The following BRAF variants were observed in gnomAD, a reference collection of about 807,000 sequenced individuals.
The protein encoded by BRAF is B-Raf proto-oncogene, serine/threonine kinase.
A neutral mutation model predicts 104.6 loss-of-function variants in BRAF; 16 were observed. The observed-to-expected ratio is 0.15, with a 90% CI of 0.10 to 0.23. BRAF has a LOEUF of 0.23. BRAF is among the 10% of genes least tolerant of loss of function. The pLI is 1.00. For missense variants in BRAF, 541 were observed against 937.3 expected (o/e 0.58, Z 5.52); for synonymous variants, 310 against 341.6 (o/e 0.91, Z 1.02).
intron 2 of BRAF, among the ~76,000 whole-genome samples, chr7:140,843,559 T>C (rs1478193716): frequency 6.6e-6 from 1 of 152,356 alleles, no homozygotes; most frequent in Middle Eastern, 3.4e-3. Context: ...ATTTTTCTCA[T>C]GTTTCCTCTA....
intron 2 of BRAF, chr7:140,836,243 G>A (rs1479434349): frequency 1.3e-5 from 2 of 152,130 alleles, no homozygotes; most frequent in Admixed American, 6.6e-5. Context: ...AGCTTTAGCA[G>A]CATCCCTGTT....
intron 19 of BRAF, among the ~76,000 whole-genome samples, chr7:140,729,216 C>G (rs1795793439): frequency 6.6e-6 from 1 of 152,016 alleles, no homozygotes; most frequent in Admixed American, 6.6e-5. Flanking sequence ...GCCTGAGTAA[C>G]GAAACCCTGT....
At chr7:140,834,290 C>CGTAA in intron 3 of BRAF, 1 of 494,384 alleles carries the variant, frequency 2.0e-6, no homozygotes, top group East Asian at 3.4e-5. Context: ...TGAGTCTTAC[C>CGTAA]TGACACACAT....
At position 140,724,938 on chromosome 7, in the gene BRAF, A is replaced by G. The variant is rs1466094164; in HGVS notation, c.*1556T>C. 1.9e-6 allele frequency: 2 copies of G among 1,041,464 alleles called. No homozygotes were observed. Among genetic ancestry groups the G allele is most frequent in the East Asian group, 5.8e-5 (1 of 17,306 alleles). The allele number at this position is 1,041,464 out of a possible 1,614,324, so 64.5% of individuals were successfully genotyped here. ...GGCCAAAGGAAGCTATAACTAGGTT[A>G]TATTTTCCATTTGTGCAAAGATAAG... On this transcript the variant is annotated 3_prime_UTR_variant, in exon 20 of 20. Coordinates refer to ENST00000644969, the MANE Select transcript of BRAF (RefSeq NM_001374258.1).
intron 1 of BRAF, among the ~76,000 whole-genome samples, chr7:140,914,849 C>T (rs1228627408): frequency 6.6e-6 from 1 of 151,182 alleles, no homozygotes; most frequent in Admixed American, 6.6e-5. Context: ...ACCATCCTAG[C>T]TAACATGGTG....
At chr7:140,816,056 G>A (rs1804847895) in intron 3 of BRAF, among the ~76,000 whole-genome samples, 1 of 152,104 alleles carries the variant, frequency 6.6e-6, no homozygotes, top group Admixed American at 6.6e-5. Flanking sequence ...TTCACTGTTG[G>A]CAAAGAATAC....
chr7:140,743,286 C>T (rs1408046416), intron 17 of BRAF, among the ~76,000 whole-genome samples: 34 of 151,414 alleles, frequency 2.2e-4, no homozygotes, highest in Non-Finnish European at 3.4e-4. Flanking sequence ...ATGTTTATAG[C>T]GGCACTATTC....
chr7:140,813,845 ATACATGCGTG>A (rs915106277), intron 3 of BRAF, among the ~76,000 whole-genome samples: 27 of 152,234 alleles, frequency 1.8e-4, no homozygotes, highest in African/African-American at 6.5e-4. Context: ...ATGAAAATCC[ATACATGCGTG>A]TACACACATG....
chr7:140,771,959 A>G (rs984024244), intron 14 of BRAF, among the ~76,000 whole-genome samples: 3 of 152,170 alleles, frequency 2.0e-5, no homozygotes, highest in African/African-American at 7.2e-5. Flanking sequence ...GCTTCTGGAG[A>G]TAATTCCAAA....
intron 3 of BRAF, 23 bp from the exon 4 acceptor site, chr7:140,809,018 A>T: frequency 6.4e-7 from 1 of 1,572,586 alleles, no homozygotes. Flanking sequence ...AAATATATTG[A>T]TAAGAGGTAA....
In BRAF at chr7:140,834,794, T is replaced by G. The variant is rs2129062208; in HGVS notation, c.319A>C (p.Thr107Pro). The change falls in exon 3 of 20, where the codon ACT becomes CCT. Residue 107 changes from threonine (T) to proline (P), a missense_variant. Around this residue, in one of 10 missense-constraint regions of BRAF, gnomAD observed 86 missense variants for 133.9 expected, o/e 0.64. Coordinates refer to ENST00000644969, the MANE Select transcript of BRAF (RefSeq NM_001374258.1). Reference sequence around the variant, plus strand: ...GCAGAGCTAGAAACAGAAAAATCAGTTCCGTTCCCCAGAGATTCCAATAAC... The same window carrying G: ...GCAGAGCTAGAAACAGAAAAATCAGGTCCGTTCCCCAGAGATTCCAATAAC... ...QQLLESLGNG[T>P]DFSVSSSASM... is the part of the protein sequence containing the mutation. The G allele has an allele frequency of 6.2e-7, 1 of 1,614,176 alleles. No homozygotes were observed. Among genetic ancestry groups the G allele is most frequent in the Non-Finnish European group, 8.5e-7 (1 of 1,179,998 alleles).
intron 6 of BRAF, chr7:140,801,094 A>C: frequency 3.9e-6 from 1 of 258,926 alleles, no homozygotes. Context: ...GTACAAAATC[A>C]TAATGCTTAA....
intron 1 of BRAF, among the ~76,000 whole-genome samples, chr7:140,890,849 G>A (rs1814140017): frequency 6.6e-6 from 1 of 152,116 alleles, no homozygotes; most frequent in African/African-American, 2.4e-5. Context: ...TCTATTATGA[G>A]AGTAAAATGA....
chr7:140,924,741 G>C lies in BRAF; in HGVS notation c.-38C>G. 1.4e-6 allele frequency: 1 copy of C among 727,048 alleles called. No homozygotes were observed. Among genetic ancestry groups the C allele is most frequent in the South Asian group, 1.6e-5 (1 of 62,820 alleles). 45.0% of individuals were successfully genotyped at this position (727,048 alleles called of 1,614,324 possible). A position where few individuals can be genotyped will look rare whatever the true frequency, so the allele number is the denominator to read the frequency against. On this transcript the variant is annotated 5_prime_UTR_variant, in exon 1 of 20. Coordinates refer to ENST00000644969, the MANE Select transcript of BRAF (RefSeq NM_001374258.1). The surrounding 1 kb of genome is among the most constrained non-coding windows in gnomAD (Gnocchi z 4.2). Reference sequence around the variant, plus strand: ...AGCCGGGGCCCGAGCGGCCGCTGTCGGGCGGGGAGGGGGAAGGGAGGCGGA... The same window carrying C: ...AGCCGGGGCCCGAGCGGCCGCTGTCCGGCGGGGAGGGGGAAGGGAGGCGGA...
intron 14 of BRAF, among the ~76,000 whole-genome samples, chr7:140,769,157 A>C (rs1028966091): frequency 7.9e-5 from 12 of 151,210 alleles, no homozygotes. Context: ...GCTCACTGCA[A>C]CCTCCGTCTC....
chr7:140,756,203 T>C (rs1315499818), intron 14 of BRAF, among the ~76,000 whole-genome samples: 2 of 152,206 alleles, frequency 1.3e-5, no homozygotes, highest in African/African-American at 4.8e-5. Flanking sequence ...AAATTTGTTA[T>C]AGGCCGAGTT....
chr7:140,873,042 TA>T (rs1298270598), intron 1 of BRAF, among the ~76,000 whole-genome samples: 1 of 151,950 alleles, frequency 6.6e-6, no homozygotes, highest in East Asian at 1.9e-4. Flanking sequence ...ATGAAATGAG[TA>T]CATTGATAAA....
chr7:140,822,905 T>C (rs58161353), intron 3 of BRAF, among the ~76,000 whole-genome samples: 13,856 of 152,116 alleles, frequency 0.091, 2,075 homozygotes, highest in African/African-American at 0.32. Flanking sequence ...ACAATGTAGC[T>C]TTTAACTCCT....
chr7:140,737,676 T>C (rs775108401), intron 18 of BRAF, among the ~76,000 whole-genome samples: 52 of 152,340 alleles, frequency 3.4e-4, no homozygotes, highest in Non-Finnish European at 6.8e-4. Flanking sequence ...CTGAATTTTG[T>C]CTATTAAGAA....
Sources: gnomAD v4.1 joint callset for allele counts (sites outside exome capture counted in the v4.1 genomes callset) on GRCh38, gnomAD v4.1.1 for gene constraint, gnomAD v4.1.1 regional missense constraint, Gnocchi (gnomAD v3.1) non-coding constraint, MANE v1.5 for transcripts, NCBI Gene and HGNC (gene_info 2026-07-23, HGNC 2026-07-21) for gene names.